Variants in SLC16A6 observed in about 807,000 individuals in gnomAD.
SLC16A6 encodes solute carrier family 16 member 6, also known as monocarboxylate transporter 7.
A neutral mutation model predicts 33.8 loss-of-function variants in SLC16A6; 15 were observed. That is an observed-to-expected ratio of 0.44 (90% CI 0.30 to 0.68). SLC16A6 has a LOEUF of 0.68. Ranked by LOEUF, SLC16A6 falls within the 30% of genes least tolerant of loss-of-function variation. SLC16A6 has a pLI of 0.10. For missense variants in SLC16A6, 451 were observed against 661.5 expected (o/e 0.68, Z 3.49); for synonymous variants, 219 against 248.4 (o/e 0.88, Z 1.11).
Position 68,287,456 on chromosome 17 carries a change from A to G in SLC16A6, c.-8+3630T>C, listed in dbSNP as rs552043887. 9.5e-4 allele frequency among the ~76,000 whole-genome samples: 145 copies of G among 152,078 alleles called. 1 individual carries two copies. Among genetic ancestry groups the G allele is most frequent in the African/African-American group, 3.2e-3 (133 of 41,494 alleles). On this transcript the variant is annotated intron_variant, in intron 1 of 5. Coordinates refer to ENST00000580666, the MANE Select transcript of SLC16A6 (RefSeq NM_004694.5). The stretch of plus-strand genomic sequence containing the variant: ...ATTAAACGTGTGAGCCACCTCACCT[A>G]GCCAGATGGTGGACTATTCATTTCT...
At chr17:68,282,791 A>AG (rs1445769078) in intron 1 of SLC16A6, among the ~76,000 whole-genome samples, 3 of 147,982 alleles carry the variant, frequency 2.0e-5, no homozygotes, top group Non-Finnish European at 3.0e-5. Flanking sequence ...AAAAAAAAAA[A>AG]AAAAAAAAAG....
intron 1 of SLC16A6, among the ~76,000 whole-genome samples, chr17:68,282,045 T>C (rs555176071): frequency 1.3e-5 from 2 of 152,282 alleles, no homozygotes; most frequent in East Asian, 3.9e-4. Context: ...TAAAGACACA[T>C]GCACACGTAT....
At chr17:68,280,851 T>G (rs528600361) in intron 1 of SLC16A6, among the ~76,000 whole-genome samples, 96 of 152,210 alleles carry the variant, frequency 6.3e-4, no homozygotes, top group Non-Finnish European at 9.3e-4. Flanking sequence ...TGAGGCCAGA[T>G]GTAGTGTGTC....
In SLC16A6 at chr17:68,267,439, C is replaced by T. The variant is rs2075192575; in HGVS notation, c.*1657G>A. 2.0e-5 allele frequency: 3 copies of T among 152,134 alleles called. No individual in the cohort carries two copies. The allele number at this position is 152,134 out of a possible 1,614,324, so 9.4% of individuals were successfully genotyped here. A position where few individuals can be genotyped will look rare whatever the true frequency, so the allele number is the denominator to read the frequency against. ...CAAAGTTTTATAGATTGTCCTATTT[C>T]TATGGCTGATAAGATGCTCTACAAA... On this transcript the variant is annotated 3_prime_UTR_variant, in exon 6 of 6. Transcript: ENST00000580666.
At chr17:68,282,252 CAAA>C (rs1177613309) in intron 1 of SLC16A6, among the ~76,000 whole-genome samples, 2 of 146,254 alleles carry the variant, frequency 1.4e-5, no homozygotes, top group African/African-American at 5.1e-5. Flanking sequence ...ATCGCAAGGA[CAAA>C]AAAAACAAAC....
intron 1 of SLC16A6, among the ~76,000 whole-genome samples, chr17:68,282,821 G>C (rs2075738266): frequency 1.4e-5 from 2 of 146,800 alleles, no homozygotes; most frequent in Admixed American, 1.4e-4. Context: ...GCTGGTGGGT[G>C]CCTGTAACCC....
intron 1 of SLC16A6, among the ~76,000 whole-genome samples, chr17:68,279,404 A>G (rs1599535101): frequency 6.6e-6 from 1 of 152,246 alleles, no homozygotes; most frequent in Admixed American, 6.5e-5. Context: ...ACACAGACAC[A>G]ATGTCACTAT....
At chr17:68,280,489 G>T (rs187190037) in intron 1 of SLC16A6, among the ~76,000 whole-genome samples, 1 of 152,202 alleles carries the variant, frequency 6.6e-6, no homozygotes, top group East Asian at 1.9e-4. Context: ...TAATCCACAT[G>T]TCTACACCCA....
chr17:68,273,980 G>A lies in SLC16A6; in HGVS notation c.323C>T (p.Ala108Val). ...ATGAGAAACCTCTTGTGAGAAGGAGGCGGCCACCATCCCGGTGCTGACAAG... is the reference window on the plus strand; with the variant it reads ...ATGAGAAACCTCTTGTGAGAAGGAGACGGCCACCATCCCGGTGCTGACAAG... The part of the protein sequence containing the change: ...GLLVSTGMVA[A>V]SFSQEVSHMY... The change falls in exon 3 of 6, where the codon GCC (alanine) becomes GTC (valine). Residue 108 changes from alanine to valine, a missense_variant. Ala to Val is a moderately conservative substitution (Grantham distance 64). This residue lies in a region of SLC16A6 where 405 missense variants were observed against 510.7 expected (regional missense o/e 0.79). Coordinates refer to ENST00000580666, the MANE Select transcript of SLC16A6 (RefSeq NM_004694.5). The A allele has an allele frequency of 1.2e-6, 2 of 1,614,160 alleles. No homozygotes were observed. The highest frequency in any genetic ancestry group is 1.7e-6 in the Non-Finnish European group (2 of 1,180,026).
Position 68,271,409 on chromosome 17 carries a change from C to T in SLC16A6, c.751G>A (p.Val251Met). The T allele has an allele frequency of 6.2e-7, 1 of 1,614,214 alleles. No individual in the cohort carries two copies. Among genetic ancestry groups the T allele is most frequent in the Non-Finnish European group, 8.5e-7 (1 of 1,180,042 alleles). Residue 251 changes from valine to methionine, a missense_variant, in exon 5 of 6, where the codon GTG becomes ATG. Val to Met is a conservative substitution (Grantham distance 21). Transcript: ENST00000580666. This position sits in a 1 kb window ranked among gnomAD's most constrained non-coding sequence, Gnocchi z 5.3. The stretch of plus-strand genomic sequence containing the variant: ...AGTTCCAGGTTAGTGTGAGTAGGCA[C>T]ATTTTTAGGTGAGGTAGTTAGTTCT... ...GVELTTSPKN[V>M]PTHTNLELEP...
chr17:68,280,043 A>G (rs933584854), intron 1 of SLC16A6, among the ~76,000 whole-genome samples: 1 of 152,000 alleles, frequency 6.6e-6, no homozygotes, highest in African/African-American at 2.4e-5. Flanking sequence ...TTAGCTGGGC[A>G]TGGTGGCAGG....
chr17:68,271,620 T>C lies in SLC16A6; in HGVS notation c.540A>G (p.Arg180=). 6.2e-7 allele frequency: 1 copy of C among 1,613,710 alleles called. No homozygotes were observed. Among genetic ancestry groups the C allele is most frequent in the Non-Finnish European group, 8.5e-7 (1 of 1,179,590 alleles). The change falls in exon 5 of 6, where the codon AGA becomes AGG. Residue 180 remains arginine, a synonymous_variant. Transcript: ENST00000580666. The surrounding 1 kb of genome is among the most constrained non-coding windows in gnomAD (Gnocchi z 5.3). ...GTAGGCCCACGAAGAGGAGGCTGTA[T>C]CTCCAGCCAATGCGCTCCTTCAGAG... is the stretch of plus-strand genomic sequence containing the variant. The part of the protein sequence containing the change: ...IMALKERIGW[R]YSLLFVGLLQ...
intron 2 of SLC16A6, among the ~76,000 whole-genome samples, chr17:68,276,535 ACCT>A (rs1555751011): frequency 6.6e-6 from 1 of 150,426 alleles, no homozygotes; most frequent in East Asian, 2.0e-4. Flanking sequence ...TGCAGCCTTG[ACCT>A]CCCAGGCTCA....
In SLC16A6 at chr17:68,274,007, A is replaced by G. The variant is rs1555750040; in HGVS notation, c.296T>C (p.Leu99Pro). The G allele has an allele frequency of 1.2e-6, 2 of 1,614,178 alleles. No individual in the cohort carries two copies. Among genetic ancestry groups the G allele is most frequent in the Non-Finnish European group, 1.7e-6 (2 of 1,180,040 alleles). ...GGCCACCATCCCGGTGCTGACAAGT[A>G]GCCCCCCCAACATCACTACCAGACG... is the stretch of plus-strand genomic sequence containing the variant. ...GHRLVVMLGG[L>P]LVSTGMVAAS... The change falls in exon 3 of 6, where the codon CTA becomes CCA. Residue 99 changes from leucine (L) to proline (P), a missense_variant. Around this residue, in one of 2 missense-constraint regions of SLC16A6, gnomAD observed 405 missense variants for 510.7 expected, o/e 0.79. Coordinates refer to ENST00000580666, the MANE Select transcript of SLC16A6 (RefSeq NM_004694.5).
rs1201821374 is a variant in SLC16A6 at position 68,273,883 on chromosome 17, A to C, written c.376+44T>G. On this transcript the variant is annotated intron_variant, in intron 3 of 5. Transcript: ENST00000580666. ...CCTCCTTCCCCTTCCTTGTTCTTCAAACTAAGTGTCTAGACAACTTCTGAG... is the reference window on the plus strand; with the variant it reads ...CCTCCTTCCCCTTCCTTGTTCTTCACACTAAGTGTCTAGACAACTTCTGAG... 5 of 1,596,068 alleles carry C rather than the reference A, an allele frequency of 3.1e-6. No homozygotes were observed. In the African/African-American group the frequency reaches 4.0e-5, roughly 13 times the overall value.
intron 1 of SLC16A6, among the ~76,000 whole-genome samples, chr17:68,282,084 A>G (rs1555752996): frequency 1.3e-5 from 2 of 152,208 alleles, no homozygotes; most frequent in African/African-American, 4.8e-5. Context: ...CACAACAGCA[A>G]AGACTTGGAA....
At chr17:68,289,010 T>TGGAGGATTTCCTAGTAGCATGTG (rs1555755013) in intron 1 of SLC16A6, among the ~76,000 whole-genome samples, 3 of 152,152 alleles carry the variant, frequency 2.0e-5, no homozygotes, top group Non-Finnish European at 4.4e-5. Flanking sequence ...ACGGGCAGTT[T>TGGAGGATTTCCTAGTAGCATGTG]GGAGGATTTC....
At chr17:68,272,392 A>G (rs757591757) in intron 4 of SLC16A6, among the ~76,000 whole-genome samples, 2 of 152,244 alleles carry the variant, frequency 1.3e-5, no homozygotes, top group Non-Finnish European at 2.9e-5. Context: ...TGCATGTGTC[A>G]AGAAAGCCCT....
chr17:68,287,246 ATAG>A (rs2075861529), intron 1 of SLC16A6, among the ~76,000 whole-genome samples: 1 of 151,962 alleles, frequency 6.6e-6, no homozygotes, highest in Non-Finnish European at 1.5e-5. Flanking sequence ...TCCCAAAGTG[ATAG>A]TATTAAACGT....
Sources: gnomAD v4.1 joint callset for allele counts (sites outside exome capture counted in the v4.1 genomes callset) on GRCh38, gnomAD v4.1.1 for gene constraint, gnomAD v4.1.1 regional missense constraint, Gnocchi (gnomAD v3.1) non-coding constraint, MANE v1.5 for transcripts, NCBI Gene and HGNC (gene_info 2026-07-23, HGNC 2026-07-21) for gene names.